The following AOAH variants were observed in gnomAD, a reference collection of about 807,000 sequenced individuals.
AOAH encodes the protein acyloxyacyl hydrolase (neutrophil).
A neutral mutation model predicts 92.2 loss-of-function variants in AOAH; 64 were observed. The ratio of observed to expected loss-of-function variants is 0.69; its 90% CI spans 0.57 to 0.86. The LOEUF is 0.86. Ranked by LOEUF, AOAH falls within the 40% of genes least tolerant of loss-of-function variation. AOAH has a pLI of 0.00. For synonymous variants in AOAH, 263 were observed against 254.5 expected (o/e 1.03, Z -0.32); for missense variants, 656 against 694.6 (o/e 0.94, Z 0.62).
intron 13 of AOAH, among the ~76,000 whole-genome samples, chr7:36,572,328 T>G (rs1480120369): frequency 6.6e-6 from 1 of 151,982 alleles, no homozygotes; most frequent in Non-Finnish European, 1.5e-5. Context: ...GCAAGGTCCC[T>G]GTTTCTACCA....
intron 1 of AOAH, among the ~76,000 whole-genome samples, chr7:36,703,636 C>A (rs551046652): frequency 3.3e-5 from 5 of 152,172 alleles, no homozygotes; most frequent in South Asian, 2.1e-4. Flanking sequence ...TGAGTGAGAA[C>A]ATGTGGTGTT....
rs995732267 is a variant in AOAH at position 36,516,298 on chromosome 7, C to A, written c.1600-2918G>T. Among the ~76,000 whole-genome samples, 7 of 144,622 alleles carry A rather than the reference C, an allele frequency of 4.8e-5. No individual in the cohort carries two copies. Among genetic ancestry groups the A allele is most frequent in the South Asian group, 2.2e-4 (1 of 4,446 alleles). 94.9% of individuals were successfully genotyped at this position (144,622 alleles called of 152,430 possible). On this transcript the variant is annotated intron_variant, in intron 20 of 20. Transcript: ENST00000617537. This position sits in a 1 kb window ranked among gnomAD's most constrained non-coding sequence, Gnocchi z 5.0. ...ACACATATAACATACACACACCCCC[C>A]CACACAGATACCACACACACACACA...
intron 3 of AOAH, among the ~76,000 whole-genome samples, chr7:36,665,797 TTAATA>T (rs1329639146): frequency 6.6e-6 from 1 of 152,190 alleles, no homozygotes; most frequent in Non-Finnish European, 1.5e-5. Context: ...TCTGTGTCTA[TTAATA>T]TAATCATGAG....
intron 1 of AOAH, chr7:36,690,304 C>T (rs770168734): frequency 8.2e-6 from 3 of 367,680 alleles, no homozygotes; most frequent in African/African-American, 2.2e-5. Flanking sequence ...ATCAAAAGGA[C>T]CCTGCAGGAA....
intron 13 of AOAH, among the ~76,000 whole-genome samples, chr7:36,557,083 T>C (rs1298015097): frequency 2.0e-5 from 3 of 152,200 alleles, no homozygotes; most frequent in Non-Finnish European, 4.4e-5. Flanking sequence ...CTAGTCTCAA[T>C]GGTCTTTACA....
At chr7:36,644,339 T>TAACA (rs1794100770) in intron 4 of AOAH, among the ~76,000 whole-genome samples, 4 of 152,170 alleles carry the variant, frequency 2.6e-5, no homozygotes, top group Admixed American at 2.0e-4. Context: ...TGCTTTTTTT[T>TAACA]TTTAAGTTTA....
At position 36,614,348 on chromosome 7, in the gene AOAH, A is replaced by C. The variant is rs1028532101; in HGVS notation, c.846+2032T>G. On this transcript the variant is annotated intron_variant, in intron 11 of 20. Coordinates refer to ENST00000617537, the MANE Select transcript of AOAH (RefSeq NM_001637.4). This position sits in a 1 kb window ranked among gnomAD's most constrained non-coding sequence, Gnocchi z 4.2. Reference sequence around the variant, plus strand: ...GGCAGGGCTTTATGTGTGTGCAACCAGTGGGTCCCATGAGGTCCTTCGCTT... The same window carrying C: ...GGCAGGGCTTTATGTGTGTGCAACCCGTGGGTCCCATGAGGTCCTTCGCTT... Among the ~76,000 whole-genome samples the C allele has an allele frequency of 2.0e-5, 3 of 152,160 alleles. No homozygotes were observed. Among genetic ancestry groups the C allele is most frequent in the Non-Finnish European group, 2.9e-5 (2 of 68,038 alleles).
chr7:36,666,502 G>A (rs1050326906), intron 3 of AOAH, among the ~76,000 whole-genome samples: 2 of 151,816 alleles, frequency 1.3e-5, no homozygotes, highest in Non-Finnish European at 2.9e-5. Flanking sequence ...CTAGCTTTTG[G>A]TTTAATTTTC....
At chr7:36,622,100 ATG>A (rs1792326160) in intron 7 of AOAH, among the ~76,000 whole-genome samples, 1 of 151,904 alleles carries the variant, frequency 6.6e-6, no homozygotes, top group Non-Finnish European at 1.5e-5. Context: ...GTGAATGTGA[ATG>A]TGTATGTATG....
intron 3 of AOAH, among the ~76,000 whole-genome samples, chr7:36,660,358 C>G (rs1795144513): frequency 6.6e-6 from 1 of 152,188 alleles, no homozygotes; most frequent in African/African-American, 2.4e-5. Flanking sequence ...CTCTGTCGCC[C>G]AGGCTGGAGT....
chr7:36,623,635 C>T (rs1038568130), intron 6 of AOAH, among the ~76,000 whole-genome samples: 9 of 152,190 alleles, frequency 5.9e-5, no homozygotes, highest in African/African-American at 2.2e-4. Flanking sequence ...TTATAGAAAT[C>T]TTTTCTTAAA....
At chr7:36,694,812 T>G (rs1797612830) in intron 1 of AOAH, among the ~76,000 whole-genome samples, 1 of 152,134 alleles carries the variant, frequency 6.6e-6, no homozygotes, top group African/African-American at 2.4e-5. Flanking sequence ...TAAAAAGATA[T>G]AGAGAATGGG....
At chr7:36,685,368 T>C (rs1332505025) in intron 2 of AOAH, among the ~76,000 whole-genome samples, 2 of 152,166 alleles carry the variant, frequency 1.3e-5, no homozygotes, top group Non-Finnish European at 2.9e-5. Flanking sequence ...ATTGAGCTTT[T>C]TGCAGGGGGA....
At chr7:36,525,098 C>T (rs6968002) in intron 19 of AOAH, among the ~76,000 whole-genome samples, 11,440 of 152,178 alleles carry the variant, frequency 0.075, 695 homozygotes, top group African/African-American at 0.17. Flanking sequence ...AAACCATGGA[C>T]CTGACCTGGA....
At chr7:36,630,158 G>A (rs187601776) in intron 6 of AOAH, among the ~76,000 whole-genome samples, 31 of 152,336 alleles carry the variant, frequency 2.0e-4, no homozygotes, top group African/African-American at 7.5e-4. Context: ...TAGAAGGAGC[G>A]TGGCCCTGCT....
intron 1 of AOAH, among the ~76,000 whole-genome samples, chr7:36,689,668 C>T (rs570914956): frequency 2.6e-5 from 4 of 152,204 alleles, no homozygotes; most frequent in South Asian, 2.1e-4. Context: ...CCATAACAGG[C>T]AGGAGAAGAG....
chr7:36,623,501 T>C (rs978878314), intron 6 of AOAH, among the ~76,000 whole-genome samples: 2 of 152,192 alleles, frequency 1.3e-5, no homozygotes, highest in African/African-American at 4.8e-5. Flanking sequence ...GTGAAATAAT[T>C]GAAGTGAAAT....
chr7:36,693,264 A>G lies in AOAH; in HGVS notation c.128-6470T>C, dbSNP rs533189435. 1.8e-4 allele frequency among the ~76,000 whole-genome samples: 27 copies of G among 152,342 alleles called. No homozygotes were observed. In the Middle Eastern group the frequency reaches 0.017, roughly 96 times the overall value. ...ATCAAGAAATTATTAATGGATATCTATCTAGTTACAAAAGATATAAATTTG... is the reference window on the plus strand; with the variant it reads ...ATCAAGAAATTATTAATGGATATCTGTCTAGTTACAAAAGATATAAATTTG... On this transcript the variant is annotated intron_variant, in intron 1 of 20. Coordinates refer to ENST00000617537, the MANE Select transcript of AOAH (RefSeq NM_001637.4).
chr7:36,526,677 A>G (rs1460156973), intron 19 of AOAH, among the ~76,000 whole-genome samples: 2 of 152,194 alleles, frequency 1.3e-5, no homozygotes, highest in Admixed American at 6.5e-5. Flanking sequence ...AGCATAATGT[A>G]TTTTGTTTTG....
Sources: gnomAD v4.1 joint callset for allele counts (sites outside exome capture counted in the v4.1 genomes callset) on GRCh38, gnomAD v4.1.1 for gene constraint, Gnocchi (gnomAD v3.1) non-coding constraint, MANE v1.5 for transcripts, NCBI Gene and HGNC (gene_info 2026-07-23, HGNC 2026-07-21) for gene names.